Variants in ZNF512 observed in about 807,000 individuals in gnomAD.
The protein encoded by ZNF512 is zinc finger protein 512.
In ZNF512, 25 loss-of-function variants were observed where a neutral mutation model predicts 77.5. That is an observed-to-expected ratio of 0.32 (90% CI 0.23 to 0.45). ZNF512 has a LOEUF of 0.45. Ranked by LOEUF, ZNF512 falls within the 20% of genes least tolerant of loss-of-function variation. The pLI is 1.00. For missense variants in ZNF512, 483 were observed against 692.6 expected (o/e 0.70, Z 3.40); for synonymous variants, 246 against 239.9 (o/e 1.03, Z -0.24).
In ZNF512 at chr2:27,621,192, G is replaced by A. The variant is rs576336644; in HGVS notation, c.1435G>A (p.Glu479Lys). 6.2e-7 allele frequency: 1 copy of A among 1,614,100 alleles called. No homozygotes were observed. The highest frequency in any genetic ancestry group is 8.5e-7 in the Non-Finnish European group (1 of 1,180,012). The change falls in exon 14 of 14, where the codon GAA (glutamate) becomes AAA (lysine). Residue 479 changes from glutamate to lysine, a missense_variant. Coordinates refer to ENST00000355467, the MANE Select transcript of ZNF512 (RefSeq NM_032434.4). Reference sequence around the variant, plus strand: ...AAACCCAACAACAACCAAAAGCTTTGAAAAGCTGATGAAGATAAAGCAGCG... The same window carrying A: ...AAACCCAACAACAACCAAAAGCTTTAAAAAGCTGATGAAGATAAAGCAGCG... The part of the protein sequence containing the change: ...VVNPTTTKSF[E>K]KLMKIKQRQQ...
intron 10 of ZNF512, among the ~76,000 whole-genome samples, chr2:27,608,576 G>A (rs1306567569): frequency 2.6e-5 from 4 of 152,042 alleles, no homozygotes; most frequent in African/African-American, 9.7e-5. Context: ...TCTGAGGGGT[G>A]CAGAACCTGT....
Position 27,608,034 on chromosome 2 carries a change from C to T in ZNF512, c.1126C>T (p.Arg376Ter). 2 of 1,565,794 alleles carry T rather than the reference C, an allele frequency of 1.3e-6. No homozygotes were observed. The highest frequency in any genetic ancestry group is 1.7e-6 in the Non-Finnish European group (2 of 1,159,512). ...GCTTCAGGACCTGGTACCTGATGATCGAAAGGTAAGGCAGAAACATGTATC... is the reference window on the plus strand; with the variant it reads ...GCTTCAGGACCTGGTACCTGATGATTGAAAGGTAAGGCAGAAACATGTATC... ...KVLQDLVPDD[R>*]KLKYTRPGLP... The change falls in exon 10 of 14, where the codon CGA becomes TGA. Residue 376 changes from arginine (R) to a stop codon, truncating the protein, a stop_gained. Coordinates refer to ENST00000355467, the MANE Select transcript of ZNF512 (RefSeq NM_032434.4). LOFTEE classifies it high-confidence loss of function.
intron 12 of ZNF512, 34 bp downstream of exon 12, chr2:27,616,358 G>A: frequency 6.5e-7 from 1 of 1,541,176 alleles, no homozygotes; most frequent in Non-Finnish European, 9.0e-7. Flanking sequence ...ATCTTAACAT[G>A]TCCTCTAAAA....
chr2:27,607,240 A>G (rs1488622081), intron 9 of ZNF512, among the ~76,000 whole-genome samples: 3 of 152,120 alleles, frequency 2.0e-5, no homozygotes, highest in African/African-American at 4.8e-5. Context: ...GCTGTCTTCT[A>G]GAAGTTTTAT....
intron 5 of ZNF512, 75 bp from the exon 6 acceptor site, chr2:27,600,616 C>T: frequency 6.5e-7 from 1 of 1,534,992 alleles, no homozygotes; most frequent in Non-Finnish European, 8.8e-7. Flanking sequence ...GATACTTTTC[C>T]TAAATCGTGG....
intron 2 of ZNF512, among the ~76,000 whole-genome samples, chr2:27,595,574 C>G (rs1056069789): frequency 9.2e-5 from 14 of 152,268 alleles, no homozygotes; most frequent in Admixed American, 6.5e-4. Flanking sequence ...ATCCGCCTGC[C>G]TCGGCCTCCC....
At chr2:27,607,197 G>A (rs1026730742) in intron 9 of ZNF512, among the ~76,000 whole-genome samples, 5 of 152,054 alleles carry the variant, frequency 3.3e-5, no homozygotes, top group East Asian at 1.9e-4. Context: ...TCAAAAAACC[G>A]TCATACACAG....
intron 2 of ZNF512, among the ~76,000 whole-genome samples, chr2:27,587,767 C>T (rs1165705821): frequency 5.9e-5 from 9 of 151,780 alleles, no homozygotes; most frequent in East Asian, 5.8e-4. Context: ...CTGCAACCTC[C>T]GCCTCCCAGA....
intron 9 of ZNF512, among the ~76,000 whole-genome samples, chr2:27,607,463 G>C (rs1289867298): frequency 6.6e-6 from 1 of 151,886 alleles, no homozygotes; most frequent in Non-Finnish European, 1.5e-5. Context: ...CACCTCCCTG[G>C]TTCAAGCGAT....
At chr2:27,611,858 C>T (rs909294630) in intron 10 of ZNF512, among the ~76,000 whole-genome samples, 2 of 151,988 alleles carry the variant, frequency 1.3e-5, no homozygotes, top group African/African-American at 2.4e-5. Context: ...CCACCACGCC[C>T]GGCTAATTTT....
chr2:27,619,891 C>T (rs776254084), intron 13 of ZNF512, among the ~76,000 whole-genome samples: 14 of 151,952 alleles, frequency 9.2e-5, no homozygotes, highest in Admixed American at 3.3e-4. Context: ...CATCATTATA[C>T]CTAAAAAAGT....
At chr2:27,610,083 T>G (rs1339558519) in intron 10 of ZNF512, among the ~76,000 whole-genome samples, 1 of 150,910 alleles carries the variant, frequency 6.6e-6, no homozygotes, top group Non-Finnish European at 1.5e-5. Flanking sequence ...AAATATTTGT[T>G]GCCGGGCGTG....
chr2:27,601,024 G>C (rs138326884), intron 6 of ZNF512, among the ~76,000 whole-genome samples: 52 of 152,254 alleles, frequency 3.4e-4, no homozygotes, highest in South Asian at 1.7e-3. Flanking sequence ...GTAGACCTCA[G>C]TTTCATTTGT....
chr2:27,599,563 G>C lies in ZNF512; in HGVS notation c.278-20G>C. 1 of 1,603,282 alleles carries C rather than the reference G, an allele frequency of 6.2e-7. No individual in the cohort carries two copies. The highest frequency in any genetic ancestry group is 2.2e-5 in the East Asian group (1 of 44,828). ...ACAAAGTGTGCTGAGTTTTTGTTTT[G>C]TTTTTGTATGGTACTTCAGGGTCAG... On this transcript the variant is annotated intron_variant, in intron 3 of 13. Coordinates refer to ENST00000355467, the MANE Select transcript of ZNF512 (RefSeq NM_032434.4).
chr2:27,602,561 G>A lies in ZNF512; in HGVS notation c.768G>A (p.Glu256=). 1 of 1,610,490 alleles carries A rather than the reference G, an allele frequency of 6.2e-7. No individual in the cohort carries two copies. Among genetic ancestry groups the A allele is most frequent in the Non-Finnish European group, 8.5e-7 (1 of 1,179,044 alleles). ...KRLGKLRCMR[E]SCSSSFTSIM... Reference sequence around the variant, plus strand: ...TGGGAAAGCTCAGGTGCATGCGTGAGGTAAGGGCCCAAGGACAGCAATTCC... The same window carrying A: ...TGGGAAAGCTCAGGTGCATGCGTGAAGTAAGGGCCCAAGGACAGCAATTCC... Residue 256 remains glutamate (E), a splice_region_variant and synonymous_variant, in exon 8 of 14, where the codon GAG becomes GAA. Transcript: ENST00000355467.
chr2:27,607,769 AAGCTC>A, intron 9 of ZNF512, 71 bp from the exon 10 acceptor site: 2 of 1,387,342 alleles, frequency 1.4e-6, no homozygotes, highest in Non-Finnish European at 2.0e-6. Flanking sequence ...TTAGAGCAGG[AAGCTC>A]AGCCTTTAAT....
chr2:27,595,978 C>T (rs1671851070), intron 2 of ZNF512, among the ~76,000 whole-genome samples: 1 of 152,186 alleles, frequency 6.6e-6, no homozygotes, highest in Non-Finnish European at 1.5e-5. Flanking sequence ...AATTTATCCT[C>T]ATCATTGTGA....
rs74438927 is a variant in ZNF512 at position 27,597,285 on chromosome 2, A to T, written c.90-782A>T. ...GGGCTGTCTCCATAGAGCAGCCAGA[A>T]GGATCTTTCTGAACCATAAATCTAA... On this transcript the variant is annotated intron_variant, in intron 2 of 13. Coordinates refer to ENST00000355467, the MANE Select transcript of ZNF512 (RefSeq NM_032434.4). 8.3e-3 allele frequency among the ~76,000 whole-genome samples: 1,265 copies of T among 152,352 alleles called. 22 individuals are homozygous for T. Among genetic ancestry groups the T allele is most frequent in the African/African-American group, 0.029 (1,201 of 41,582 alleles).
intron 2 of ZNF512, among the ~76,000 whole-genome samples, chr2:27,587,780 C>G (rs771548928): frequency 6.6e-6 from 1 of 151,874 alleles, no homozygotes; most frequent in Non-Finnish European, 1.5e-5. Flanking sequence ...CTCCCAGATT[C>G]AAGCTATTCT....
Sources: gnomAD v4.1 joint callset for allele counts (sites outside exome capture counted in the v4.1 genomes callset) on GRCh38, gnomAD v4.1.1 for gene constraint, MANE v1.5 for transcripts, NCBI Gene and HGNC (gene_info 2026-07-23, HGNC 2026-07-21) for gene names.